The following ICA1 variants were observed in gnomAD, a reference collection of about 807,000 sequenced individuals.
ICA1 encodes the protein islet cell autoantigen 1.
Under a neutral mutation model 71.0 loss-of-function variants are expected in ICA1, and 40 were observed. That is an observed-to-expected ratio of 0.56 (90% CI 0.44 to 0.73). The LOEUF is 0.73. Among genes scored for constraint, ICA1 ranks in the 30% least tolerant of loss-of-function variants. ICA1 has a pLI of 0.00. For missense variants in ICA1, 578 were observed against 576.5 expected, an observed-to-expected ratio of 1.00 and a Z score of -0.03; for synonymous variants, 207 against 209.5, an observed-to-expected ratio of 0.99 and a Z score of 0.10.
chr7:8,182,611 C>T (rs1782554719), intron 6 of ICA1, among the ~76,000 whole-genome samples: 1 of 151,986 alleles, frequency 6.6e-6, no homozygotes, highest in Non-Finnish European at 1.5e-5. Context: ...TATATTTCCT[C>T]TAAATTTTTA....
intron 13 of ICA1, among the ~76,000 whole-genome samples, chr7:8,114,395 C>A (rs1318503348): frequency 6.6e-6 from 1 of 152,202 alleles, no homozygotes; most frequent in African/African-American, 2.4e-5. Context: ...AGAAATCAGA[C>A]TGAATGGCTG....
intron 1 of ICA1, among the ~76,000 whole-genome samples, chr7:8,247,973 G>T (rs571590978): frequency 3.3e-5 from 5 of 152,292 alleles, no homozygotes; most frequent in Middle Eastern, 3.4e-3. Context: ...TTATCAGGCA[G>T]CAACTTGGTA....
At chr7:8,209,741 G>A (rs1248486220) in intron 6 of ICA1, among the ~76,000 whole-genome samples, 4 of 8,278 alleles carry the variant, frequency 4.8e-4, no homozygotes, top group Admixed American at 6.7e-4. Context: ...AGTCGGCAAA[G>A]GCTCCCTGAG....
At chr7:8,208,693 C>T (rs917158018) in intron 6 of ICA1, among the ~76,000 whole-genome samples, 29 of 152,140 alleles carry the variant, frequency 1.9e-4, no homozygotes, top group African/African-American at 7.0e-4. Context: ...AATCATACTA[C>T]CTGAACATGG....
chr7:8,124,496 C>G (rs111961641), intron 13 of ICA1, among the ~76,000 whole-genome samples: 3,261 of 151,274 alleles, frequency 0.022, 98 homozygotes, highest in African/African-American at 0.073. Flanking sequence ...ATCCTTTCCT[C>G]TTTTTTGAGG....
chr7:8,187,952 T>C (rs774966068), intron 6 of ICA1, among the ~76,000 whole-genome samples: 11 of 152,152 alleles, frequency 7.2e-5, no homozygotes, highest in Non-Finnish European at 1.6e-4. Flanking sequence ...CACTGAAATA[T>C]TCAGAAGTTA....
Position 8,218,512 on chromosome 7 carries a change from G to A in ICA1, c.381-9C>T. On this transcript the variant is annotated splice_polypyrimidine_tract_variant and intron_variant, in intron 5 of 13. Coordinates refer to ENST00000402384, the MANE Select transcript of ICA1 (RefSeq NM_001136020.3). ...GATTTCGTAAGGCCAACCTAGACAA[G>A]AGGACAAAGCCACACTCTCAAAACT... is the stretch of plus-strand genomic sequence containing the variant. 1 of 1,613,416 alleles carries A rather than the reference G, an allele frequency of 6.2e-7. No homozygotes were observed.
intron 1 of ICA1, among the ~76,000 whole-genome samples, chr7:8,239,850 C>T (rs952102800): frequency 2.6e-5 from 4 of 152,202 alleles, no homozygotes; most frequent in Admixed American, 1.3e-4. Context: ...GGGGCAGGGG[C>T]GTCTGCCATT....
intron 6 of ICA1, among the ~76,000 whole-genome samples, chr7:8,214,250 T>G (rs901370951): frequency 6.6e-6 from 1 of 152,250 alleles, no homozygotes; most frequent in African/African-American, 2.4e-5. Flanking sequence ...GAGGACTCTC[T>G]CAAGGGCATT....
In ICA1 at chr7:8,200,178, T is replaced by C. The variant is rs111250421; in HGVS notation, c.579+18127A>G. Among the ~76,000 whole-genome samples the C allele has an allele frequency of 3.3e-5, 5 of 152,080 alleles. 1 individual carries two copies. The highest frequency in any genetic ancestry group is 1.2e-4 in the African/African-American group (5 of 41,506). Reference sequence around the variant, plus strand: ...CAAAACATCTCGGGTACCTCATAAATACATATACCTACTATGTACCCACAA... The same window carrying C: ...CAAAACATCTCGGGTACCTCATAAACACATATACCTACTATGTACCCACAA... On this transcript the variant is annotated intron_variant, in intron 6 of 13. Coordinates refer to ENST00000402384, the MANE Select transcript of ICA1 (RefSeq NM_001136020.3).
intron 9 of ICA1, 183 bp from the exon 10 acceptor site, chr7:8,142,000 G>A (rs1199026724): frequency 6.7e-6 from 10 of 1,494,634 alleles, no homozygotes; most frequent in Non-Finnish European, 8.1e-6. Context: ...TTCCCTTTCT[G>A]TAGCATCTTA....
intron 6 of ICA1, among the ~76,000 whole-genome samples, chr7:8,197,698 G>A (rs1394454158): frequency 1.3e-5 from 2 of 151,432 alleles, no homozygotes; most frequent in Non-Finnish European, 2.9e-5. Flanking sequence ...AAACTCTAAG[G>A]GGGCACAAAC....
intron 1 of ICA1, among the ~76,000 whole-genome samples, chr7:8,246,801 T>C (rs893921000): frequency 6.6e-6 from 1 of 152,180 alleles, no homozygotes. Flanking sequence ...GGCTGGAGTA[T>C]AGTGGTGCGA....
At chr7:8,142,693 G>T (rs1167616590) in intron 9 of ICA1, among the ~76,000 whole-genome samples, 1 of 152,174 alleles carries the variant, frequency 6.6e-6, no homozygotes, top group Non-Finnish European at 1.5e-5. Flanking sequence ...TCCCAGCCTT[G>T]ACGTCACTGA....
chr7:8,116,832 A>G (rs926429547), intron 13 of ICA1, among the ~76,000 whole-genome samples: 14 of 152,236 alleles, frequency 9.2e-5, no homozygotes, highest in Admixed American at 6.5e-4. Context: ...AGATAAGTAA[A>G]TAACAGTCCA....
At chr7:8,235,861 C>A in intron 2 of ICA1, 49 bp downstream of exon 2, 2 of 1,573,902 alleles carry the variant, frequency 1.3e-6, no homozygotes, top group Non-Finnish European at 1.7e-6. Flanking sequence ...TGATCATATG[C>A]TATATGCTTT....
chr7:8,177,605 G>A (rs954085873), intron 6 of ICA1, among the ~76,000 whole-genome samples: 1 of 152,008 alleles, frequency 6.6e-6, no homozygotes, highest in African/African-American at 2.4e-5. Context: ...TGTGCTATGT[G>A]AAAAGCTGAA....
chr7:8,236,719 A>G (rs1018129796), intron 1 of ICA1: 1 of 152,310 alleles, frequency 6.6e-6, no homozygotes, highest in African/African-American at 2.4e-5. Context: ...TAAATACTGG[A>G]GTCAATGTCT....
chr7:8,195,977 C>T (rs1787379034), intron 6 of ICA1, among the ~76,000 whole-genome samples: 1 of 129,204 alleles, frequency 7.7e-6, no homozygotes, highest in Admixed American at 8.1e-5. Context: ...GGCTCCGTCT[C>T]ACAACAACAA....
Sources: allele counts gnomAD v4.1 joint callset (sites outside exome capture counted in the v4.1 genomes callset), GRCh38; gene constraint gnomAD v4.1.1; transcripts MANE v1.5; gene names NCBI Gene and HGNC (gene_info 2026-07-23, HGNC 2026-07-21).